Variants in RAB31 observed in about 807,000 individuals in gnomAD.
RAB31 encodes the protein RAB31, member RAS oncogene family.
Under a neutral mutation model 25.6 loss-of-function variants are expected in RAB31, and 21 were observed. That is an observed-to-expected ratio of 0.82 (90% confidence interval 0.58 to 1.18). The LOEUF (loss-of-function observed/expected upper bound fraction) is 1.18, where lower values mean the gene tolerates loss of function less well. Among genes scored for constraint, RAB31 ranks in the 50% most tolerant of loss-of-function variants. The pLI is 0.00. For missense variants in RAB31, 196 were observed against 250.1 expected (o/e 0.78, Z 1.46); for synonymous variants, 87 against 84.0 (o/e 1.04, Z -0.20).
intron 1 of RAB31, among the ~76,000 whole-genome samples, chr18:9,742,157 A>G (rs1300881157): frequency 1.3e-5 from 2 of 152,184 alleles, no homozygotes; most frequent in Non-Finnish European, 1.5e-5. Flanking sequence ...TGAGAGTTGC[A>G]ACTGTGATTG....
At chr18:9,747,151 A>G (rs138778947) in intron 1 of RAB31, among the ~76,000 whole-genome samples, 2 of 152,368 alleles carry the variant, frequency 1.3e-5, no homozygotes, top group Non-Finnish European at 2.9e-5. Context: ...CAAGAAGCAC[A>G]TAAAAAGCTG....
chr18:9,727,480 A>G (rs1228462157), intron 1 of RAB31, among the ~76,000 whole-genome samples: 1 of 152,086 alleles, frequency 6.6e-6, no homozygotes, highest in African/African-American at 2.4e-5. Flanking sequence ...ACACTTGGCT[A>G]ATTTTTAAAT....
intron 1 of RAB31, among the ~76,000 whole-genome samples, chr18:9,730,040 G>A (rs886694651): frequency 2.0e-5 from 3 of 152,082 alleles, no homozygotes; most frequent in African/African-American, 4.8e-5. Context: ...AAAAATGATC[G>A]TACATAAAAT....
chr18:9,733,646 C>T (rs1330968637), intron 1 of RAB31, among the ~76,000 whole-genome samples: 1 of 152,122 alleles, frequency 6.6e-6, no homozygotes, highest in Non-Finnish European at 1.5e-5. Flanking sequence ...AGGATTCGGT[C>T]CACAGGTGGG....
chr18:9,732,527 G>T (rs1270908349), intron 1 of RAB31, among the ~76,000 whole-genome samples: 1 of 152,228 alleles, frequency 6.6e-6, no homozygotes, highest in Non-Finnish European at 1.5e-5. Context: ...ATGCAGTGAG[G>T]TGGGTCCTGG....
intron 5 of RAB31, among the ~76,000 whole-genome samples, chr18:9,834,403 A>G (rs1250798971): frequency 2.0e-5 from 3 of 152,182 alleles, no homozygotes; most frequent in Non-Finnish European, 4.4e-5. Context: ...GGCTTGAGCC[A>G]CTGTGCCCAG....
chr18:9,719,298 A>AATATATATATAT (rs71168101), intron 1 of RAB31, among the ~76,000 whole-genome samples: 1 of 23,106 alleles, frequency 4.3e-5, no homozygotes, highest in African/African-American at 1.2e-4. Flanking sequence ...AAAAAAAAAA[A>AATATATATATAT]ATATATATAT....
At chr18:9,801,212 G>T (rs1273807178) in intron 3 of RAB31, among the ~76,000 whole-genome samples, 5 of 151,798 alleles carry the variant, frequency 3.3e-5, no homozygotes, top group Non-Finnish European at 7.4e-5. Context: ...TCAGTTGATG[G>T]ATATCCACTT....
At chr18:9,735,450 T>C in intron 1 of RAB31, 1 of 215,836 alleles carries the variant, frequency 4.6e-6, no homozygotes, top group Non-Finnish European at 9.9e-6. Context: ...CTTTCCCACA[T>C]AACCTGGGTG....
At chr18:9,791,993 T>A (rs1373648436) in intron 2 of RAB31, among the ~76,000 whole-genome samples, 161 bp from the exon 3 acceptor site, 1 of 152,198 alleles carries the variant, frequency 6.6e-6, no homozygotes, top group African/African-American at 2.4e-5. Flanking sequence ...ATATTTTATT[T>A]TGGGTGTCAT....
Position 9,802,246 on chromosome 18 carries a change from A to G in RAB31, c.201+10011A>G, listed in dbSNP as rs547716295. Among the ~76,000 whole-genome samples, 47 of 152,340 alleles carry G rather than the reference A, an allele frequency of 3.1e-4. 1 individual carries two copies. The South Asian group carries it at 7.7e-3, about 25-fold the overall frequency. ...TGGGATTTTGGTCAGGATTATGTTG[A>G]CTTTGTAGATGACTTTGGGGTTACC... On this transcript the variant is annotated intron_variant, in intron 3 of 6. Coordinates refer to ENST00000578921, the MANE Select transcript of RAB31 (RefSeq NM_006868.4).
At chr18:9,831,539 C>T (rs1321122960) in intron 5 of RAB31, among the ~76,000 whole-genome samples, 2 of 152,234 alleles carry the variant, frequency 1.3e-5, no homozygotes, top group East Asian at 3.9e-4. Context: ...CCAGGCTTCT[C>T]TGCAGCAGAA....
intron 2 of RAB31, among the ~76,000 whole-genome samples, chr18:9,775,890 T>C (rs1195841726): frequency 6.6e-6 from 1 of 151,992 alleles, no homozygotes; most frequent in Non-Finnish European, 1.5e-5. Flanking sequence ...ACCTCCAGGG[T>C]GGATTCTCCT....
At chr18:9,813,092 C>T (rs1488597197) in intron 3 of RAB31, among the ~76,000 whole-genome samples, 2 of 152,200 alleles carry the variant, frequency 1.3e-5, no homozygotes, top group Admixed American at 1.3e-4. Context: ...AGACTAATGA[C>T]CTCTCCTGTC....
At chr18:9,749,335 G>A (rs962204391) in intron 1 of RAB31, among the ~76,000 whole-genome samples, 42 of 115,458 alleles carry the variant, frequency 3.6e-4, no homozygotes, top group East Asian at 7.5e-4. Flanking sequence ...CCCATTTTAC[G>A]GAACAGAGGG....
chr18:9,778,706 G>T (rs1236813860), intron 2 of RAB31, among the ~76,000 whole-genome samples: 1 of 152,022 alleles, frequency 6.6e-6, no homozygotes, highest in Non-Finnish European at 1.5e-5. Context: ...CCTGACCTCA[G>T]GTGATCCACC....
intron 1 of RAB31, chr18:9,723,529 T>C (rs2068082540): frequency 6.6e-6 from 1 of 152,198 alleles, no homozygotes; most frequent in Non-Finnish European, 1.5e-5. Flanking sequence ...CAAGACAATT[T>C]TCTTAGTCCA....
At chr18:9,773,980 G>A (rs1246611145) in intron 1 of RAB31, among the ~76,000 whole-genome samples, 1 of 152,088 alleles carries the variant, frequency 6.6e-6, no homozygotes, top group East Asian at 1.9e-4. Flanking sequence ...ATTTCTAAGA[G>A]GTTGGTTGTA....
intron 1 of RAB31, among the ~76,000 whole-genome samples, chr18:9,738,096 A>G (rs1411351516): frequency 6.6e-6 from 1 of 152,194 alleles, no homozygotes; most frequent in African/African-American, 2.4e-5. Flanking sequence ...GCAGCGGTGC[A>G]AGCACAGCCC....
Sources: allele counts gnomAD v4.1 joint callset (sites outside exome capture counted in the v4.1 genomes callset), GRCh38; gene constraint gnomAD v4.1.1; transcripts MANE v1.5; gene names NCBI Gene and HGNC (gene_info 2026-07-23, HGNC 2026-07-21).